Variants in BCR observed in about 807,000 individuals in gnomAD.
BCR encodes breakpoint cluster region protein.
BCR carries 58 observed loss-of-function variants against 138.6 expected under a neutral mutation model. The observed-to-expected ratio is 0.42, with a 90% confidence interval of 0.34 to 0.52. The LOEUF is 0.52. Among genes scored for constraint, BCR ranks in the 20% least tolerant of loss-of-function variants. BCR has a pLI of 0.06. For synonymous variants in BCR, 786 were observed against 730.1 expected, an observed-to-expected ratio of 1.08 and a Z score of -1.23; for missense variants, 1,599 against 1,727.2, an observed-to-expected ratio of 0.93 and a Z score of 1.32.
intron 16 of BCR, among the ~76,000 whole-genome samples, chr22:23,306,426 G>A (rs893689994): frequency 2.6e-5 from 4 of 152,200 alleles, no homozygotes; most frequent in Non-Finnish European, 5.9e-5. Flanking sequence ...CCTGCTGGGA[G>A]TGGTGCAGAT....
chr22:23,272,565 A>G (rs1210243328), intron 6 of BCR, among the ~76,000 whole-genome samples: 1 of 152,086 alleles, frequency 6.6e-6, no homozygotes, highest in Non-Finnish European at 1.5e-5. Context: ...GTGCCTCTGG[A>G]GTCCGGGTGT....
At chr22:23,227,050 C>G (rs1273931004) in intron 1 of BCR, among the ~76,000 whole-genome samples, 1 of 150,862 alleles carries the variant, frequency 6.6e-6, no homozygotes, top group African/African-American at 2.5e-5. Flanking sequence ...CACAGTTCAC[C>G]TTAAGCTTTA....
chr22:23,294,911 G>C, intron 15 of BCR, 113 bp from the exon 16 acceptor site: 1 of 1,335,256 alleles, frequency 7.5e-7, no homozygotes, highest in Non-Finnish European at 1.0e-6. Flanking sequence ...CTCAGGCATT[G>C]GTCCCTCTGG....
chr22:23,295,400 A>G (rs1014943648), intron 16 of BCR, among the ~76,000 whole-genome samples: 11 of 152,180 alleles, frequency 7.2e-5, no homozygotes, highest in Admixed American at 6.5e-5. Context: ...TTTCCATTCA[A>G]CTTGGTTTTG....
Position 23,219,805 on chromosome 22 carries a change from C to T in BCR, c.1280-33994C>T, listed in dbSNP as rs541316527. Among the ~76,000 whole-genome samples, 311 of 152,316 alleles carry T rather than the reference C, an allele frequency of 2.0e-3. 1 individual carries two copies. The highest frequency in any genetic ancestry group is 4.1e-3 in the Admixed American group (62 of 15,308). On this transcript the variant is annotated intron_variant, in intron 1 of 22. Transcript: ENST00000305877. ...CAGCTTTGAGGCTACTTTCTGCAGT[C>T]ACCACTATTATCCCACCCCATGTAG...
chr22:23,243,750 C>G (rs1419744113), intron 1 of BCR, among the ~76,000 whole-genome samples: 2 of 151,024 alleles, frequency 1.3e-5, no homozygotes, highest in Non-Finnish European at 2.9e-5. Flanking sequence ...TCAAATGATT[C>G]TCTTGCCTTA....
rs10532946 is a variant in BCR, at chr22:23,299,694, T to TTATA, written c.3012+4560_3012+4563dup. Among the ~76,000 whole-genome samples, 728 of 145,906 alleles carry TTATA rather than the reference T, an allele frequency of 5.0e-3. 4 individuals are homozygous for TTATA. The highest frequency in any genetic ancestry group is 0.026 in the East Asian group (130 of 4,954). ...ATACATTGTTTAATGGATCTAGAGT[T>TTATA]TATATATATATATATATATATATAG... On this transcript the variant is annotated intron_variant, in intron 16 of 22. Transcript: ENST00000305877.
chr22:23,290,600 G>A, intron 14 of BCR, 187 bp downstream of exon 14: 1 of 625,608 alleles, frequency 1.6e-6, no homozygotes, highest in South Asian at 1.7e-5. Flanking sequence ...GTTTTTCCCG[G>A]AGTGGCCTCT....
chr22:23,271,381 C>A, intron 5 of BCR, 151 bp from the exon 6 acceptor site: 1 of 763,314 alleles, frequency 1.3e-6, no homozygotes, highest in South Asian at 1.7e-5. Flanking sequence ...CTCGTGGGTC[C>A]CTGCACACCC....
intron 8 of BCR, among the ~76,000 whole-genome samples, chr22:23,277,337 G>A (rs1031014853): frequency 3.3e-5 from 5 of 152,198 alleles, no homozygotes; most frequent in Non-Finnish European, 7.3e-5. Flanking sequence ...GCCAGGATGC[G>A]AGTGAGGCCA....
intron 16 of BCR, among the ~76,000 whole-genome samples, chr22:23,300,417 T>C (rs1469820510): frequency 6.6e-6 from 1 of 152,244 alleles, no homozygotes; most frequent in Non-Finnish European, 1.5e-5. Context: ...TAATATTCCA[T>C]TGTATGGATT....
Position 23,181,136 on chromosome 22 carries a change from T to C in BCR, c.176T>C (p.Leu59Pro). 1 of 1,477,932 alleles carries C rather than the reference T, an allele frequency of 6.8e-7. No individual in the cohort carries two copies. 91.6% of individuals were successfully genotyped at this position (1,477,932 alleles called of 1,614,324 possible). Residue 59 changes from leucine to proline, a missense_variant, in exon 1 of 23, where the codon CTG (leucine) becomes CCG (proline). By Grantham distance (98) the Leu-to-Pro change is moderately conservative. This residue lies in a region of BCR where 806 missense variants were observed against 635.0 expected (regional missense o/e 1.27). Transcript: ENST00000305877. ...VNQERFRMIY[L>P]QTLLAKEKKS... The stretch of plus-strand genomic sequence containing the variant: ...CAGGAGCGCTTCCGCATGATCTACC[T>C]GCAGACGTTGCTGGCCAAGGAAAAG...
chr22:23,202,896 C>T (rs1255492786), intron 1 of BCR, among the ~76,000 whole-genome samples: 1 of 151,916 alleles, frequency 6.6e-6, no homozygotes, highest in African/African-American at 2.4e-5. Flanking sequence ...CAGGATCTCG[C>T]TCTGCCATCT....
At chr22:23,301,079 G>T (rs1235150344) in intron 16 of BCR, among the ~76,000 whole-genome samples, 1 of 152,220 alleles carries the variant, frequency 6.6e-6, no homozygotes, top group Admixed American at 6.5e-5. Context: ...TGAGGAGGGC[G>T]GATCATTTGA....
intron 4 of BCR, 57 bp downstream of exon 4, chr22:23,261,597 A>G: frequency 1.3e-6 from 2 of 1,569,778 alleles, no homozygotes; most frequent in Non-Finnish European, 1.7e-6. Context: ...CGTCCAGCTA[A>G]TTTTTTGCAT....
intron 1 of BCR, among the ~76,000 whole-genome samples, chr22:23,182,693 TC>T (rs1458639021): frequency 1.3e-5 from 2 of 152,180 alleles, no homozygotes; most frequent in Non-Finnish European, 2.9e-5. Context: ...ACCCCACTGA[TC>T]CTGTTCTGGA....
At chr22:23,261,248 A>T in intron 3 of BCR, 107 bp from the exon 4 acceptor site, 1 of 1,353,128 alleles carries the variant, frequency 7.4e-7, no homozygotes, top group East Asian at 2.3e-5. Context: ...GTGATTTAAA[A>T]ATAAAAGTGC....
intron 1 of BCR, chr22:23,199,122 C>CAA (rs371236578): frequency 1.2e-3 from 285 of 246,790 alleles, no homozygotes; most frequent in South Asian, 1.8e-3. Context: ...AACTCCGTCT[C>CAA]AAAAAAAAAA....
At chr22:23,292,659 G>C in intron 15 of BCR, 21 bp downstream of exon 15, 3 of 1,588,786 alleles carry the variant, frequency 1.9e-6, no homozygotes, top group Non-Finnish European at 2.6e-6. Context: ...GATTCCACAA[G>C]GGCCCAGCCT....
Sources: allele counts gnomAD v4.1 joint callset (sites outside exome capture counted in the v4.1 genomes callset), GRCh38; gene constraint gnomAD v4.1.1; regional missense constraint gnomAD v4.1.1; transcripts MANE v1.5; gene names NCBI Gene and HGNC (gene_info 2026-07-23, HGNC 2026-07-21).